HEXA: variants seen among roughly 807,000 people sequenced by gnomAD.
HEXA encodes the protein hexosaminidase subunit alpha.
A neutral mutation model predicts 73.3 loss-of-function variants in HEXA; 54 were observed. The observed-to-expected ratio is 0.74, with a 90% CI of 0.59 to 0.92. The LOEUF is 0.92. HEXA is among the 40% of genes least tolerant of loss of function. The pLI, the probability that HEXA is intolerant of heterozygous loss-of-function variation, is 0.00. For synonymous variants in HEXA, 230 were observed against 246.9 expected (o/e 0.93, Z 0.64); for missense variants, 649 against 653.0 (o/e 0.99, Z 0.07).
At chr15:72,351,291 A>C (rs1193546812) in intron 5 of HEXA, 57 bp from the exon 6 acceptor site, 1 of 1,213,576 alleles carries the variant, frequency 8.2e-7, no homozygotes, top group East Asian at 2.3e-5. Flanking sequence ...TTCAGCCTCA[A>C]ACTTGCGATG....
intron 2 of HEXA, 88 bp from the exon 3 acceptor site, chr15:72,355,712 T>TAA (rs202176666): frequency 4.3e-4 from 313 of 722,412 alleles, no homozygotes; most frequent in East Asian, 6.3e-4. Context: ...ATCACTGGAC[T>TAA]AAAAAAAAAA....
chr15:72,361,487 A>G (rs992635116), intron 1 of HEXA, among the ~76,000 whole-genome samples: 7 of 151,914 alleles, frequency 4.6e-5, no homozygotes, highest in African/African-American at 1.7e-4. Flanking sequence ...TTCCAAGCCA[A>G]CTCTTCTTCT....
chr15:72,348,120 T>C lies in HEXA; in HGVS notation c.1001A>G (p.Glu334Gly), dbSNP rs767713828. 6.2e-7 allele frequency: 1 copy of C among 1,611,962 alleles called. No individual in the cohort carries two copies. Among genetic ancestry groups the C allele is most frequent in the South Asian group, 1.1e-5 (1 of 91,042 alleles). The change falls in exon 9 of 14, where the codon GAG becomes GGG. Residue 334 changes from glutamate (E) to glycine (G), a missense_variant. Physicochemically the swap from Glu to Gly is moderately conservative, Grantham distance 98 (BLOSUM62 -2). Transcript: ENST00000268097. Reference sequence around the variant, plus strand: ...TTTCTTCCTCATAAAGTCCTGGATCTCTGGGTTGGACTTCCTGAATCCCAA... The same window carrying C: ...TTTCTTCCTCATAAAGTCCTGGATCCCTGGGTTGGACTTCCTGAATCCCAA... ...VDFTCWKSNP[E>G]IQDFMRKKGF...
chr15:72,376,008 A>G lies in HEXA; in HGVS notation c.-36T>C, dbSNP rs2089064116. ...TCTCCCCTCTCGGAGGGGGCTGGCC[A>G]CGTGAGACCCTGGTCAGGTGAGCGG... On this transcript the variant is annotated 5_prime_UTR_variant, in exon 1 of 14. Transcript: ENST00000268097. 1.2e-6 allele frequency: 2 copies of G among 1,607,946 alleles called. No individual in the cohort carries two copies.
intron 6 of HEXA, 31 bp downstream of exon 6, chr15:72,351,102 T>C (rs762482250): frequency 5.0e-6 from 7 of 1,387,686 alleles, no homozygotes; most frequent in Middle Eastern, 1.8e-4. Context: ...CATTGACCCA[T>C]AAACTTGGTC....
chr15:72,353,702 C>G lies in HEXA; in HGVS notation c.448G>C (p.Ala150Pro). The change falls in exon 4 of 14, where the codon GCT (alanine) becomes CCT (proline). Residue 150 changes from alanine to proline, a missense_variant. Transcript: ENST00000268097. ...ETFSQLVWKS[A>P]EGTFFINKTE... ...GGGTCCACACTTACTGTGCCCTCAG[C>G]AGATTTCCAAACAAGCTGGCTAAAA... 6.2e-7 allele frequency: 1 copy of G among 1,612,876 alleles called. No individual in the cohort carries two copies. The highest frequency in any genetic ancestry group is 8.5e-7 in the Non-Finnish European group (1 of 1,178,854).
At chr15:72,345,273 T>A (rs957797385) in intron 13 of HEXA, 173 bp downstream of exon 13, 22 of 1,049,088 alleles carry the variant, frequency 2.1e-5, no homozygotes, top group South Asian at 6.3e-5. Flanking sequence ...TTTTGTTGTA[T>A]TTTTTTTTTC....
At chr15:72,373,802 C>G (rs2089022760) in intron 1 of HEXA, among the ~76,000 whole-genome samples, 1 of 151,990 alleles carries the variant, frequency 6.6e-6, no homozygotes, top group Non-Finnish European at 1.5e-5. Flanking sequence ...AGTTTGAGAC[C>G]AGCCTGGCCA....
chr15:72,357,039 T>C lies in HEXA; in HGVS notation c.254-422A>G, dbSNP rs149667400. On this transcript the variant is annotated intron_variant, in intron 1 of 13. Coordinates refer to ENST00000268097, the MANE Select transcript of HEXA (RefSeq NM_000520.6). The stretch of plus-strand genomic sequence containing the variant: ...GGCTGGTCACTATATAGAAAACTTA[T>C]ATGAAGCCTGAATGTAAATCAATTA... The C allele has an allele frequency of 3.6e-5, 11 of 305,582 alleles. No individual in the cohort carries two copies. In the East Asian group the frequency reaches 4.6e-4, roughly 13 times the overall value. The allele number at this position is 305,582 out of a possible 1,614,324, so 18.9% of individuals were successfully genotyped here.
intron 1 of HEXA, among the ~76,000 whole-genome samples, chr15:72,368,301 T>C (rs2088943585): frequency 6.6e-6 from 1 of 152,202 alleles, no homozygotes; most frequent in Admixed American, 6.5e-5. Flanking sequence ...AATTGCTAAC[T>C]GGACTGACAA....
chr15:72,345,885 G>T (rs1453097621), intron 12 of HEXA: 1 of 522,282 alleles, frequency 1.9e-6, no homozygotes, highest in Non-Finnish European at 3.5e-6. Context: ...AACCATACTT[G>T]GTAAGGCTGC....
intron 2 of HEXA, chr15:72,356,011 T>A: frequency 4.3e-6 from 2 of 462,082 alleles, no homozygotes; most frequent in Non-Finnish European, 8.6e-6. Context: ...ATGCTCCCAA[T>A]GCCTTTGTAA....
Position 72,343,710 on chromosome 15 carries a change from A to G in HEXA, c.*367T>C, listed in dbSNP as rs184059814. 1.2e-4 allele frequency: 39 copies of G among 323,790 alleles called. No homozygotes were observed. Among genetic ancestry groups the G allele is most frequent in the Admixed American group, 4.4e-4 (11 of 25,030 alleles). The allele number at this position is 323,790 out of a possible 1,614,324, so 20.1% of individuals were successfully genotyped here. A position where few individuals can be genotyped will look rare whatever the true frequency, so the allele number is the denominator to read the frequency against. On this transcript the variant is annotated 3_prime_UTR_variant, in exon 14 of 14. Transcript: ENST00000268097. ...TAGGGCAGGTGTCTGGAATATGGTC[A>G]GGAGTGGGAGGGGAGTGACATAGCT...
rs370829895 is a variant in HEXA at position 72,353,200 on chromosome 15, C to T, written c.460-22G>A. 2.9e-5 allele frequency: 41 copies of T among 1,422,704 alleles called. No individual in the cohort carries two copies. The East Asian group carries it at 4.4e-4, about 15-fold the overall frequency. 88.1% of individuals were successfully genotyped at this position (1,422,704 alleles called of 1,614,324 possible). A position where few individuals can be genotyped will look rare whatever the true frequency, so the allele number is the denominator to read the frequency against. ...AGAACTGTGCAGAACAAACATTGAA[C>T]ATGTCAGTTTCAAAGGAAGCTTACT... On this transcript the variant is annotated intron_variant, in intron 4 of 13. Transcript: ENST00000268097.
chr15:72,348,979 C>T (rs566691293), intron 8 of HEXA, 100 bp downstream of exon 8: 46 of 951,034 alleles, frequency 4.8e-5, no homozygotes, highest in South Asian at 1.7e-4. Flanking sequence ...CATACAGACC[C>T]CTGAGAGCAG....
chr15:72,369,712 A>T (rs912485241), intron 1 of HEXA, among the ~76,000 whole-genome samples: 1 of 152,158 alleles, frequency 6.6e-6, no homozygotes, highest in African/African-American at 2.4e-5. Context: ...TTTATTTCTT[A>T]AAAGAAGTAC....
chr15:72,365,116 G>T (rs761584680), intron 1 of HEXA, among the ~76,000 whole-genome samples: 45 of 152,042 alleles, frequency 3.0e-4, no homozygotes, highest in Non-Finnish European at 5.3e-4. Flanking sequence ...TTGAGACGGA[G>T]TCTCGCTCTG....
In HEXA at chr15:72,353,910, T is replaced by C. The variant is rs967834021; in HGVS notation, c.413-173A>G. On this transcript the variant is annotated intron_variant, in intron 3 of 13. Coordinates refer to ENST00000268097, the MANE Select transcript of HEXA (RefSeq NM_000520.6). Reference sequence around the variant, plus strand: ...TGAAAAGGGGATATTAGGAAGCCACTATCCATCTTTACTTCTGTATTTCAT... The same window carrying C: ...TGAAAAGGGGATATTAGGAAGCCACCATCCATCTTTACTTCTGTATTTCAT... 19 of 666,298 alleles carry C rather than the reference T, an allele frequency of 2.9e-5. No homozygotes were observed. In the Admixed American group the frequency reaches 4.1e-4, roughly 14 times the overall value. The allele number at this position is 666,298 out of a possible 1,614,324, so 41.3% of individuals were successfully genotyped here. A position where few individuals can be genotyped will look rare whatever the true frequency, so the allele number is the denominator to read the frequency against.
intron 7 of HEXA, among the ~76,000 whole-genome samples, chr15:72,350,007 A>C (rs573854216): frequency 6.6e-6 from 1 of 151,884 alleles, no homozygotes; most frequent in Non-Finnish European, 1.5e-5. Flanking sequence ...CAGGTGATCC[A>C]CCCGCCTTGG....
Sources: allele counts gnomAD v4.1 joint callset (sites outside exome capture counted in the v4.1 genomes callset), GRCh38; gene constraint gnomAD v4.1.1; transcripts MANE v1.5; gene names NCBI Gene and HGNC (gene_info 2026-07-23, HGNC 2026-07-21).